The following CRTC1 variants were observed in gnomAD, a reference collection of about 807,000 sequenced individuals.
CRTC1 encodes the protein CREB regulated transcription coactivator 1.
CRTC1 carries 18 observed loss-of-function variants against 66.1 expected under a neutral mutation model. The ratio of observed to expected loss-of-function variants is 0.27; its 90% CI spans 0.19 to 0.40. CRTC1 has a LOEUF of 0.40. Ranked by LOEUF, CRTC1 falls within the 10% of genes least tolerant of loss-of-function variation. The pLI, the probability that CRTC1 is intolerant of heterozygous loss-of-function variation, is 1.00. For missense variants in CRTC1, 669 were observed against 887.9 expected (o/e 0.75, Z 3.13); for synonymous variants, 416 against 398.8 (o/e 1.04, Z -0.51).
chr19:18,770,274 T>A (rs1290794773), intron 10 of CRTC1, among the ~76,000 whole-genome samples: 1 of 152,238 alleles, frequency 6.6e-6, no homozygotes, highest in Admixed American at 6.5e-5. Flanking sequence ...AGCAGTGAGA[T>A]GCCCGGGCCT....
At chr19:18,691,695 C>T (rs971236275) in intron 1 of CRTC1, among the ~76,000 whole-genome samples, 1 of 151,944 alleles carries the variant, frequency 6.6e-6, no homozygotes, top group African/African-American at 2.4e-5. Flanking sequence ...CTGGAGGAAG[C>T]ATGGGCCTGC....
intron 5 of CRTC1, 118 bp from the exon 6 acceptor site, chr19:18,753,382 G>A (rs2054413457): frequency 1.4e-6 from 1 of 707,804 alleles, no homozygotes; most frequent in Non-Finnish European, 2.5e-6. Flanking sequence ...CGTTAGGACA[G>A]TTGCAGTCTT....
In CRTC1 at chr19:18,780,124, G is replaced by A. The variant is rs2055074773; in HGVS notation, c.*2742G>A. On this transcript the variant is annotated 3_prime_UTR_variant, in exon 14 of 14. Coordinates refer to ENST00000321949, the MANE Select transcript of CRTC1 (RefSeq NM_015321.3). Reference sequence around the variant, plus strand: ...GTGATTTGACGAGCCGCTTCCTGAGGGGCAGGCCCACGTGGGGAGGTTGCG... The same window carrying A: ...GTGATTTGACGAGCCGCTTCCTGAGAGGCAGGCCCACGTGGGGAGGTTGCG... The A allele has an allele frequency of 8.6e-6, 2 of 232,130 alleles. No homozygotes were observed. The highest frequency in any genetic ancestry group is 1.7e-5 in the Non-Finnish European group (2 of 117,410). 14.4% of individuals were successfully genotyped at this position (232,130 alleles called of 1,614,324 possible).
chr19:18,757,351 A>C (rs569085127), intron 6 of CRTC1, among the ~76,000 whole-genome samples: 3 of 151,714 alleles, frequency 2.0e-5, no homozygotes, highest in South Asian at 2.1e-4. Flanking sequence ...AGTGCCCCCA[A>C]CTCACAGGGG....
chr19:18,747,176 C>A, intron 4 of CRTC1, 62 bp downstream of exon 4: 2 of 1,206,676 alleles, frequency 1.7e-6, no homozygotes, highest in Non-Finnish European at 2.4e-6. Flanking sequence ...AAACTCTCAT[C>A]ATGGTTACAT....
intron 1 of CRTC1, among the ~76,000 whole-genome samples, chr19:18,721,511 T>G (rs1411891812): frequency 1.3e-5 from 2 of 149,408 alleles, no homozygotes; most frequent in African/African-American, 2.5e-5. Flanking sequence ...TTTTTTTTTT[T>G]TTAAACAAGG....
intron 8 of CRTC1, among the ~76,000 whole-genome samples, chr19:18,764,451 C>T (rs976605109): frequency 2.6e-5 from 4 of 152,382 alleles, no homozygotes; most frequent in African/African-American, 9.6e-5. Flanking sequence ...GGCCTGTTGC[C>T]TGCCTGGCAT....
At chr19:18,694,146 A>C (rs569874641) in intron 1 of CRTC1, among the ~76,000 whole-genome samples, 1 of 150,936 alleles carries the variant, frequency 6.6e-6, no homozygotes, top group Non-Finnish European at 1.5e-5. Flanking sequence ...AAAAAAAAAA[A>C]AAAAAATAGG....
rs371124558 is a variant in CRTC1, at chr19:18,771,581, T to G, written c.1425+35T>G. ...GCCGCCTCCCCCTTGGCCTGTGGGC[T>G]CCACGCTTGTCTTGTTCATGCCCCG... On this transcript the variant is annotated intron_variant, in intron 11 of 13. Coordinates refer to ENST00000321949, the MANE Select transcript of CRTC1 (RefSeq NM_015321.3). The surrounding 1 kb of genome is among the most constrained non-coding windows in gnomAD (Gnocchi z 4.6). 170 of 1,517,624 alleles carry G rather than the reference T, an allele frequency of 1.1e-4. No individual in the cohort carries two copies. The African/African-American group carries it at 1.8e-3, about 17-fold the overall frequency. The allele number at this position is 1,517,624 out of a possible 1,614,324, so 94.0% of individuals were successfully genotyped here.
chr19:18,749,092 G>A (rs952875146), intron 4 of CRTC1, among the ~76,000 whole-genome samples: 1 of 152,200 alleles, frequency 6.6e-6, no homozygotes, highest in African/African-American at 2.4e-5. Context: ...GCCAGGAGCA[G>A]ATTGGGTGGC....
chr19:18,745,833 A>G lies in CRTC1; in HGVS notation c.254A>G (p.Gln85Arg), dbSNP rs2054221434. Residue 85 changes from glutamine to arginine, a missense_variant, in exon 3 of 14, where the codon CAA becomes CGA. By Grantham distance (43) the Gln-to-Arg change is conservative. Coordinates refer to ENST00000321949, the MANE Select transcript of CRTC1 (RefSeq NM_015321.3). ...TMDLPFQTPF[Q>R]SSGLDTSRTT... The stretch of plus-strand genomic sequence containing the variant: ...CTCCTCCTCCCCCAGACCCCCTTCC[A>G]ATCCTCGGGCCTGGACACCAGCCGG... The G allele has an allele frequency of 6.2e-7, 1 of 1,613,674 alleles. No individual in the cohort carries two copies. The highest frequency in any genetic ancestry group is 8.5e-7 in the Non-Finnish European group (1 of 1,179,908).
chr19:18,699,251 G>A (rs991849781), intron 1 of CRTC1, among the ~76,000 whole-genome samples: 1 of 152,210 alleles, frequency 6.6e-6, no homozygotes, highest in Non-Finnish European at 1.5e-5. Flanking sequence ...TCCTGGGAGG[G>A]GTGTGCGGGG....
At chr19:18,772,139 T>G (rs201296555) in intron 11 of CRTC1, among the ~76,000 whole-genome samples, 1 of 152,124 alleles carries the variant, frequency 6.6e-6, no homozygotes, top group East Asian at 1.9e-4. Flanking sequence ...GGTTTTCCTG[T>G]TGCACCCAGC....
intron 2 of CRTC1, among the ~76,000 whole-genome samples, 198 bp from the exon 3 acceptor site, chr19:18,745,625 C>T (rs2054214378): frequency 6.6e-6 from 1 of 152,222 alleles, no homozygotes; most frequent in South Asian, 2.1e-4. Context: ...AGCTCACACC[C>T]CCTCCCTACC....
intron 1 of CRTC1, among the ~76,000 whole-genome samples, chr19:18,689,023 A>G (rs1226878766): frequency 4.0e-5 from 6 of 151,846 alleles, no homozygotes; most frequent in Non-Finnish European, 8.8e-5. Context: ...TCAGCTCACT[A>G]CAACCTCTGC....
rs958364779 is a variant in CRTC1 at position 18,771,081 on chromosome 19, CGTG to C, written c.1321-359_1321-357del. On this transcript the variant is annotated intron_variant, in intron 10 of 13. Coordinates refer to ENST00000321949, the MANE Select transcript of CRTC1 (RefSeq NM_015321.3). The surrounding 1 kb of genome is among the most constrained non-coding windows in gnomAD (Gnocchi z 4.6). ...ATATTCTAGTGTGGATATGTGTACA[CGTG>C]GGTATGTCTGTGTGGGTGTGCATGC... 2.6e-5 allele frequency among the ~76,000 whole-genome samples: 4 copies of C among 151,054 alleles called. No individual in the cohort carries two copies. Among genetic ancestry groups the C allele is most frequent in the Non-Finnish European group, 4.4e-5 (3 of 67,738 alleles).
chr19:18,684,128 C>G (rs936866073), intron 1 of CRTC1, among the ~76,000 whole-genome samples: 1 of 151,956 alleles, frequency 6.6e-6, no homozygotes, highest in Non-Finnish European at 1.5e-5. Context: ...GTGCTAGTAC[C>G]TCGTCGTTAC....
chr19:18,732,024 C>A (rs149831560), intron 1 of CRTC1, among the ~76,000 whole-genome samples: 19 of 152,344 alleles, frequency 1.2e-4, no homozygotes, highest in Non-Finnish European at 2.2e-4. Flanking sequence ...TGGGGCGATT[C>A]TGGGCTGCCC....
chr19:18,724,012 T>G (rs1294321244), intron 1 of CRTC1, among the ~76,000 whole-genome samples: 1 of 152,232 alleles, frequency 6.6e-6, no homozygotes, highest in Admixed American at 6.5e-5. Context: ...ATGCTGCACT[T>G]ATGAGACATG....
Sources: allele counts gnomAD v4.1 joint callset (sites outside exome capture counted in the v4.1 genomes callset), GRCh38; gene constraint gnomAD v4.1.1; non-coding constraint Gnocchi (gnomAD v3.1); transcripts MANE v1.5; gene names NCBI Gene and HGNC (gene_info 2026-07-23, HGNC 2026-07-21).